The following VPS13B variants were observed in gnomAD, a reference collection of about 807,000 sequenced individuals.
VPS13B encodes the protein vacuolar protein sorting 13 homolog B.
In VPS13B, 285 loss-of-function variants were observed where a neutral mutation model predicts 426.4. The observed-to-expected ratio is 0.67, with a 90% CI of 0.61 to 0.74. The LOEUF (loss-of-function observed/expected upper bound fraction) is 0.74, where lower values mean the gene tolerates loss of function less well. VPS13B is among the 30% of genes least tolerant of loss of function. The pLI is 0.00. For missense variants in VPS13B, 4,537 were observed against 4,782.6 expected (o/e 0.95, Z 1.51); for synonymous variants, 1,676 against 1,676.4 (o/e 1.00, Z 0.01).
chr8:99,262,603 T>C (rs1818101890), intron 17 of VPS13B, among the ~76,000 whole-genome samples: 1 of 152,198 alleles, frequency 6.6e-6, no homozygotes, highest in Non-Finnish European at 1.5e-5. Context: ...CTTCTTACTA[T>C]ATAGTATGAA....
intron 25 of VPS13B, among the ~76,000 whole-genome samples, chr8:99,489,383 C>T (rs192063576): frequency 1.3e-5 from 2 of 151,114 alleles, no homozygotes; most frequent in Non-Finnish European, 2.9e-5. Context: ...CTTGGCAATG[C>T]GGGCTCTTTT....
chr8:99,819,896 C>G, intron 48 of VPS13B, 25 bp from the exon 49 acceptor site: 1 of 1,612,170 alleles, frequency 6.2e-7, no homozygotes, highest in Non-Finnish European at 8.5e-7. Context: ...TTCATTGAGT[C>G]TCTTGGATGT....
At chr8:99,284,986 T>C (rs1819358675) in intron 19 of VPS13B, among the ~76,000 whole-genome samples, 2 of 152,220 alleles carry the variant, frequency 1.3e-5, no homozygotes, top group Admixed American at 1.3e-4. Flanking sequence ...TTTTAAGTAT[T>C]AATTATTCTT....
intron 35 of VPS13B, among the ~76,000 whole-genome samples, chr8:99,694,851 GA>G (rs1294493683): frequency 2.0e-5 from 3 of 151,800 alleles, no homozygotes; most frequent in East Asian, 1.9e-4. Flanking sequence ...AAATTTACAA[GA>G]AAAAAACAAA....
intron 11 of VPS13B, among the ~76,000 whole-genome samples, chr8:99,136,125 T>C (rs1810057746): frequency 1.3e-5 from 2 of 152,062 alleles, no homozygotes; most frequent in African/African-American, 4.8e-5. Flanking sequence ...GGAATATTAA[T>C]ACATTTATGA....
At chr8:99,401,548 A>C (rs1346129279) in intron 21 of VPS13B, among the ~76,000 whole-genome samples, 1 of 152,200 alleles carries the variant, frequency 6.6e-6, no homozygotes, top group South Asian at 2.1e-4. Flanking sequence ...GAAGGACTCC[A>C]ATGATAGTCT....
At chr8:99,691,934 A>G (rs958770274) in intron 35 of VPS13B, among the ~76,000 whole-genome samples, 1 of 151,686 alleles carries the variant, frequency 6.6e-6, no homozygotes, top group African/African-American at 2.4e-5. Flanking sequence ...CAAAGATCAA[A>G]AGAGACAAAG....
chr8:99,483,378 T>G (rs950514007), intron 25 of VPS13B, among the ~76,000 whole-genome samples: 4 of 152,286 alleles, frequency 2.6e-5, no homozygotes, highest in East Asian at 3.9e-4. Flanking sequence ...AGCAGTGAAT[T>G]CTTTCTTGAA....
intron 3 of VPS13B, among the ~76,000 whole-genome samples, chr8:99,039,404 G>A (rs968218399): frequency 6.6e-6 from 1 of 151,962 alleles, no homozygotes; most frequent in African/African-American, 2.4e-5. Flanking sequence ...TTTTGCAGAT[G>A]TAATATTGGT....
intron 21 of VPS13B, among the ~76,000 whole-genome samples, chr8:99,402,496 A>G (rs990306466): frequency 5.3e-5 from 8 of 152,172 alleles, no homozygotes; most frequent in African/African-American, 1.4e-4. Flanking sequence ...GTGTTGTACA[A>G]TTATTCTTAA....
intron 17 of VPS13B, among the ~76,000 whole-genome samples, chr8:99,196,448 T>C (rs920633291): frequency 6.6e-6 from 1 of 151,870 alleles, no homozygotes; most frequent in Admixed American, 6.6e-5. Context: ...CTAAAAGTTT[T>C]TGGATGGAGT....
At chr8:99,302,206 C>T (rs1820406409) in intron 19 of VPS13B, among the ~76,000 whole-genome samples, 1 of 152,164 alleles carries the variant, frequency 6.6e-6, no homozygotes, top group Non-Finnish European at 1.5e-5. Flanking sequence ...ACTGTCTAGC[C>T]AGATTACCAG....
chr8:99,202,476 G>A (rs1239114323), intron 17 of VPS13B, among the ~76,000 whole-genome samples: 2 of 152,122 alleles, frequency 1.3e-5, no homozygotes, highest in African/African-American at 2.4e-5. Flanking sequence ...CCTGGACACA[G>A]CCTCACAAAA....
intron 34 of VPS13B, among the ~76,000 whole-genome samples, chr8:99,647,723 G>T (rs1348772209): frequency 1.3e-5 from 2 of 151,544 alleles, no homozygotes; most frequent in Non-Finnish European, 2.9e-5. Flanking sequence ...AAAAATTCAG[G>T]CACAGGGGAC....
At chr8:99,815,657 A>ATG (rs34093323) in intron 44 of VPS13B, among the ~76,000 whole-genome samples, 2 of 151,810 alleles carry the variant, frequency 1.3e-5, no homozygotes, top group African/African-American at 4.8e-5. Context: ...TATACTGTGT[A>ATG]TGTGTGTGTG....
chr8:99,396,052 A>C (rs1165068955), intron 21 of VPS13B, among the ~76,000 whole-genome samples: 1 of 152,186 alleles, frequency 6.6e-6, no homozygotes, highest in African/African-American at 2.4e-5. Flanking sequence ...AAAATGAAGC[A>C]CAAAGAGAAT....
At chr8:99,554,914 T>C (rs1377346060) in intron 30 of VPS13B, among the ~76,000 whole-genome samples, 1 of 152,130 alleles carries the variant, frequency 6.6e-6, no homozygotes, top group African/African-American at 2.4e-5. Flanking sequence ...TTCTTGAGTT[T>C]GTATAAAATT....
chr8:99,814,679 T>C (rs1813917034), intron 44 of VPS13B, among the ~76,000 whole-genome samples: 1 of 152,186 alleles, frequency 6.6e-6, no homozygotes, highest in African/African-American at 2.4e-5. Flanking sequence ...GTACCAATCA[T>C]GATACAGCCA....
At chr8:99,187,621 A>G (rs528315773) in intron 16 of VPS13B, among the ~76,000 whole-genome samples, 2 of 152,272 alleles carry the variant, frequency 1.3e-5, no homozygotes, top group Non-Finnish European at 2.9e-5. Context: ...TGGATGGGAT[A>G]GTGGCTTTCT....
Sources: gnomAD v4.1 joint callset for allele counts (sites outside exome capture counted in the v4.1 genomes callset) on GRCh38, gnomAD v4.1.1 for gene constraint, MANE v1.5 for transcripts, NCBI Gene and HGNC (gene_info 2026-07-23, HGNC 2026-07-21) for gene names.